Variants in SPAG9 observed in about 807,000 individuals in gnomAD.
SPAG9 encodes the protein sperm associated antigen 9, also known as C-Jun-amino-terminal kinase-interacting protein 4.
A neutral mutation model predicts 166.5 loss-of-function variants in SPAG9; 35 were observed. The observed-to-expected ratio is 0.21, with a 90% CI of 0.16 to 0.28. SPAG9 has a LOEUF of 0.28. SPAG9 is among the 10% of genes least tolerant of loss of function. The pLI is 1.00. For missense variants in SPAG9, 1,235 were observed against 1,603.3 expected (o/e 0.77, Z 3.92); for synonymous variants, 534 against 565.5 (o/e 0.94, Z 0.79).
intron 2 of SPAG9, among the ~76,000 whole-genome samples, chr17:51,070,598 C>A (rs1344654278): frequency 1.3e-5 from 2 of 152,102 alleles, no homozygotes; most frequent in Non-Finnish European, 1.5e-5. Context: ...AAATTTCTTA[C>A]ATTTATTTTA....
At chr17:50,998,708 A>G in intron 14 of SPAG9, 91 bp from the exon 15 acceptor site, 2 of 1,290,540 alleles carry the variant, frequency 1.5e-6, no homozygotes, top group Non-Finnish European at 2.2e-6. Flanking sequence ...AAAATTTCAG[A>G]GTACTTTTAC....
intron 1 of SPAG9, among the ~76,000 whole-genome samples, chr17:51,107,196 G>A (rs1381859791): frequency 1.3e-5 from 2 of 151,926 alleles, no homozygotes; most frequent in African/African-American, 2.4e-5. Context: ...CACCTACTTG[G>A]GGGAATGGGA....
At chr17:51,088,702 G>A (rs1009968642) in intron 1 of SPAG9, among the ~76,000 whole-genome samples, 2 of 152,138 alleles carry the variant, frequency 1.3e-5, no homozygotes, top group African/African-American at 4.8e-5. Flanking sequence ...GGAGGCTGAG[G>A]TAGGAGAATG....
chr17:51,059,051 T>C (rs2047433999), intron 2 of SPAG9, among the ~76,000 whole-genome samples: 1 of 152,202 alleles, frequency 6.6e-6, no homozygotes, highest in Non-Finnish European at 1.5e-5. Flanking sequence ...ACTGGAATAC[T>C]GTACAACGTG....
intron 2 of SPAG9, among the ~76,000 whole-genome samples, chr17:51,077,222 C>G (rs2048043007): frequency 6.6e-6 from 1 of 151,920 alleles, no homozygotes. Context: ...CTCCCGGGGT[C>G]AAGCGATTCT....
chr17:51,108,145 G>A (rs2049006337), intron 1 of SPAG9, among the ~76,000 whole-genome samples: 1 of 151,398 alleles, frequency 6.6e-6, no homozygotes. Context: ...CCAGCATTTT[G>A]GGAGGCTGAG....
At position 51,120,093 on chromosome 17, in the gene SPAG9, G is replaced by C. The variant is rs1179046519; in HGVS notation, c.303+261C>G. On this transcript the variant is annotated intron_variant, in intron 1 of 29. Transcript: ENST00000262013. This position sits in a 1 kb window ranked among gnomAD's most constrained non-coding sequence, Gnocchi z 4.7. Reference sequence around the variant, plus strand: ...CTTGGCCAACCCCAGGTGTCCTCAGGCCAGGCTGCCGCTTCCTCCCCGGGC... The same window carrying C: ...CTTGGCCAACCCCAGGTGTCCTCAGCCCAGGCTGCCGCTTCCTCCCCGGGC... 6.6e-6 allele frequency among the ~76,000 whole-genome samples: 1 copy of C among 152,180 alleles called. No individual in the cohort carries two copies. The highest frequency in any genetic ancestry group is 2.4e-5 in the African/African-American group (1 of 41,452).
intron 19 of SPAG9, among the ~76,000 whole-genome samples, chr17:50,991,026 C>T (rs1694824582): frequency 6.6e-6 from 1 of 151,906 alleles, no homozygotes. Context: ...CCTGCCTCAG[C>T]CTCCTGAGTA....
chr17:51,077,471 C>G (rs752662904), intron 2 of SPAG9, among the ~76,000 whole-genome samples: 1 of 152,006 alleles, frequency 6.6e-6, no homozygotes, highest in Non-Finnish European at 1.5e-5. Flanking sequence ...TAAACATTAC[C>G]TCCAATAGTT....
At chr17:51,099,925 C>T (rs949303995) in intron 1 of SPAG9, among the ~76,000 whole-genome samples, 1 of 151,636 alleles carries the variant, frequency 6.6e-6, no homozygotes. Flanking sequence ...AAAGACAAAA[C>T]CTTGTCTCTA....
intron 2 of SPAG9, among the ~76,000 whole-genome samples, chr17:51,075,367 AAAG>A (rs1244816159): frequency 9.9e-5 from 15 of 152,202 alleles, no homozygotes; most frequent in African/African-American, 3.6e-4. Context: ...TTTGGGAAAA[AAAG>A]AAGCAGTATC....
intron 6 of SPAG9, among the ~76,000 whole-genome samples, chr17:51,029,074 A>G (rs2046294699): frequency 6.6e-6 from 1 of 152,202 alleles, no homozygotes; most frequent in African/African-American, 2.4e-5. Flanking sequence ...GGGAACTGCC[A>G]CATCATAGGT....
intron 8 of SPAG9, chr17:51,016,144 TTATC>T (rs1394615366): frequency 6.6e-6 from 1 of 152,150 alleles, no homozygotes; most frequent in Non-Finnish European, 1.5e-5. Context: ...ATATAGTTCT[TTATC>T]TAGCCAAACT....
At chr17:51,043,094 T>C (rs1450768663) in intron 4 of SPAG9, among the ~76,000 whole-genome samples, 2 of 152,154 alleles carry the variant, frequency 1.3e-5, no homozygotes, top group African/African-American at 4.8e-5. Flanking sequence ...TTCACCATGT[T>C]GGCCAGGCTG....
chr17:51,102,114 G>A (rs545158808), intron 1 of SPAG9, among the ~76,000 whole-genome samples: 1 of 152,180 alleles, frequency 6.6e-6, no homozygotes, highest in Admixed American at 6.5e-5. Flanking sequence ...CATGCACAGT[G>A]GCTCACATTT....
At chr17:50,995,605 C>G (rs2044643220) in intron 16 of SPAG9, 72 bp from the exon 17 acceptor site, 2 of 883,492 alleles carry the variant, frequency 2.3e-6, no homozygotes, top group South Asian at 2.8e-5. Context: ...TATTACAGAT[C>G]CACTGAGACA....
chr17:50,980,068 T>C, intron 25 of SPAG9, 151 bp from the exon 26 acceptor site: 1 of 709,540 alleles, frequency 1.4e-6, no homozygotes. Context: ...ACAATTGTTT[T>C]CATCCTGGAA....
intron 1 of SPAG9, 128 bp from the exon 2 acceptor site, chr17:51,079,832 G>T: frequency 5.2e-6 from 3 of 573,664 alleles, no homozygotes; most frequent in East Asian, 3.1e-5. Context: ...TATGACCTTG[G>T]GTTGATTTTT....
chr17:51,027,830 A>G (rs1160472731), intron 6 of SPAG9, among the ~76,000 whole-genome samples: 2 of 152,202 alleles, frequency 1.3e-5, no homozygotes, highest in Non-Finnish European at 2.9e-5. Flanking sequence ...TTCTACTTAA[A>G]AATAATAATA....
Sources: allele counts gnomAD v4.1 joint callset (sites outside exome capture counted in the v4.1 genomes callset), GRCh38; gene constraint gnomAD v4.1.1; non-coding constraint Gnocchi (gnomAD v3.1); transcripts MANE v1.5; gene names NCBI Gene and HGNC (gene_info 2026-07-23, HGNC 2026-07-21).